Variants in CTSH observed in about 807,000 individuals in gnomAD.
The protein encoded by CTSH is pro-cathepsin H.
A neutral mutation model predicts 56.3 loss-of-function variants in CTSH; 52 were observed. The ratio of observed to expected loss-of-function variants is 0.92; its 90% CI spans 0.74 to 1.16. CTSH has a LOEUF of 1.16. CTSH is among the 50% of genes most tolerant of loss of function. The pLI is 0.00. For missense variants in CTSH, 406 were observed against 424.5 expected (o/e 0.96, Z 0.38); for synonymous variants, 174 against 155.7 (o/e 1.12, Z -0.88).
intron 9 of CTSH, chr15:78,927,474 T>G: frequency 3.5e-6 from 2 of 563,398 alleles, no homozygotes; most frequent in South Asian, 4.6e-5. Flanking sequence ...ACCAAAAGAA[T>G]GAAGGCATGT....
At chr15:78,937,825 T>C (rs769528840) in intron 2 of CTSH, 2 of 1,287,764 alleles carry the variant, frequency 1.6e-6, no homozygotes, top group South Asian at 2.5e-5. Context: ...TTTGGTTTTC[T>C]AAAAACAAAT....
chr15:78,935,158 G>A (rs779639457), intron 4 of CTSH, 76 bp from the exon 5 acceptor site: 5 of 967,224 alleles, frequency 5.2e-6, no homozygotes, highest in Non-Finnish European at 8.1e-6. Context: ...AAGAAGAAAT[G>A]TATAAACATG....
chr15:78,922,974 G>A lies in CTSH; in HGVS notation c.932+19C>T. ...GAGCAACATCCCCCTCCCAGAAGTG[G>A]GACCTGGGAGCTGCTTACCCGTTCA... On this transcript the variant is annotated intron_variant, in intron 11 of 11. Coordinates refer to ENST00000220166, the MANE Select transcript of CTSH (RefSeq NM_004390.5). 6.3e-7 allele frequency: 1 copy of A among 1,597,828 alleles called. No homozygotes were observed. The highest frequency in any genetic ancestry group is 8.5e-7 in the Non-Finnish European group (1 of 1,175,452).
chr15:78,923,194 C>G, intron 10 of CTSH, 76 bp from the exon 11 acceptor site: 1 of 1,544,580 alleles, frequency 6.5e-7, no homozygotes, highest in South Asian at 1.1e-5. Flanking sequence ...AACAACGCCT[C>G]TTTGAGCGCT....
At chr15:78,937,668 A>G (rs2055205132) in intron 2 of CTSH, 1 of 1,390,454 alleles carries the variant, frequency 7.2e-7, no homozygotes, top group South Asian at 1.2e-5. Flanking sequence ...GTGGTCCAAG[A>G]GGCACTGGTG....
chr15:78,928,795 G>A (rs1343952213), intron 8 of CTSH, among the ~76,000 whole-genome samples: 1 of 152,148 alleles, frequency 6.6e-6, no homozygotes, highest in African/African-American at 2.4e-5. Context: ...GGAGTCATGT[G>A]AGGTCTGTGG....
At chr15:78,939,025 A>G (rs2055233242) in intron 2 of CTSH, 115 bp downstream of exon 2, 1 of 951,416 alleles carries the variant, frequency 1.1e-6, no homozygotes, top group Non-Finnish European at 1.6e-6. Context: ...GAAAGACCCC[A>G]CTAGGCAAAG....
intron 1 of CTSH, among the ~76,000 whole-genome samples, chr15:78,940,283 TA>T (rs1466008710): frequency 3.3e-5 from 5 of 152,224 alleles, no homozygotes; most frequent in Non-Finnish European, 7.3e-5. Flanking sequence ...AACTTATAAA[TA>T]TTGAGATTTA....
At chr15:78,932,020 C>G (rs2055072177) in intron 6 of CTSH, 1 of 1,183,878 alleles carries the variant, frequency 8.4e-7, no homozygotes, top group Non-Finnish European at 1.1e-6. Context: ...CGGCTCTTCC[C>G]TCATGAAGAC....
intron 9 of CTSH, chr15:78,926,265 G>A (rs2054901960): frequency 6.6e-6 from 1 of 152,482 alleles, no homozygotes; most frequent in Admixed American, 6.5e-5. Flanking sequence ...CTAGAGGGGT[G>A]GACAGAGACC....
chr15:78,930,139 T>C (rs1315516013), intron 7 of CTSH, among the ~76,000 whole-genome samples: 1 of 152,228 alleles, frequency 6.6e-6, no homozygotes, highest in African/African-American at 2.4e-5. Context: ...CTGAGCGCTG[T>C]ATCCCCAGGG....
At position 78,921,899 on chromosome 15, in the gene CTSH, A is replaced by C. The variant is rs2054776436; in HGVS notation, c.*231T>G. ...GTGGTCCATGTGGTTTGAGTCTGTTAAGAAGGACACTAAGGCACATGGCTG... is the reference window on the plus strand; with the variant it reads ...GTGGTCCATGTGGTTTGAGTCTGTTCAGAAGGACACTAAGGCACATGGCTG... On this transcript the variant is annotated 3_prime_UTR_variant, in exon 12 of 12. Coordinates refer to ENST00000220166, the MANE Select transcript of CTSH (RefSeq NM_004390.5). The C allele has an allele frequency of 1.8e-6, 1 of 563,756 alleles. No individual in the cohort carries two copies. Among genetic ancestry groups the C allele is most frequent in the Non-Finnish European group, 3.2e-6 (1 of 316,394 alleles). The allele number at this position is 563,756 out of a possible 1,614,324, so 34.9% of individuals were successfully genotyped here. A position where few individuals can be genotyped will look rare whatever the true frequency, so the allele number is the denominator to read the frequency against.
chr15:78,935,388 G>T (rs2055154266), intron 4 of CTSH, among the ~76,000 whole-genome samples: 1 of 152,206 alleles, frequency 6.6e-6, no homozygotes, highest in African/African-American at 2.4e-5. Flanking sequence ...GCAATATTTA[G>T]AATATACTTA....
intron 8 of CTSH, 35 bp downstream of exon 8, chr15:78,929,377 C>G: frequency 6.5e-7 from 1 of 1,535,954 alleles, no homozygotes; most frequent in South Asian, 1.1e-5. Flanking sequence ...GCATGCTGTA[C>G]GCCAAGAAGA....
intron 7 of CTSH, among the ~76,000 whole-genome samples, chr15:78,930,441 G>T (rs2055026774): frequency 6.6e-6 from 1 of 152,048 alleles, no homozygotes; most frequent in African/African-American, 2.4e-5. Context: ...GCAGGAGAAT[G>T]GGGTGAACCC....
At chr15:78,924,107 GGGA>G (rs1158211305) in intron 10 of CTSH, among the ~76,000 whole-genome samples, 1 of 134,264 alleles carries the variant, frequency 7.4e-6, no homozygotes, top group African/African-American at 2.7e-5. Context: ...GGGGGGGGGG[GGGA>G]GGGTGGGCAG....
At chr15:78,924,094 AGCG>A (rs1453485982) in intron 10 of CTSH, among the ~76,000 whole-genome samples, 2 of 1,166 alleles carry the variant, frequency 1.7e-3, no homozygotes, top group African/African-American at 6.2e-3. Flanking sequence ...GATCCAACCC[AGCG>A]GGGGGGGGGG....
chr15:78,929,922 G>A (rs1391219949), intron 7 of CTSH, among the ~76,000 whole-genome samples: 8 of 152,182 alleles, frequency 5.3e-5, no homozygotes, highest in Non-Finnish European at 1.2e-4. Flanking sequence ...ACCTGGCCAG[G>A]GCCACACAGC....
intron 8 of CTSH, among the ~76,000 whole-genome samples, chr15:78,928,216 G>A (rs1424376989): frequency 6.6e-6 from 1 of 152,138 alleles, no homozygotes; most frequent in Non-Finnish European, 1.5e-5. Context: ...GAACTAGAGG[G>A]AGGGTAGGAC....
Sources: gnomAD v4.1 joint callset for allele counts (sites outside exome capture counted in the v4.1 genomes callset) on GRCh38, gnomAD v4.1.1 for gene constraint, MANE v1.5 for transcripts, NCBI Gene and HGNC (gene_info 2026-07-23, HGNC 2026-07-21) for gene names.